Variants in OASL observed in about 807,000 individuals in gnomAD.
The protein encoded by OASL is 2'-5'-oligoadenylate synthetase like, also known as 2'-5'-oligoadenylate synthase-like protein.
A neutral mutation model predicts 35.3 loss-of-function variants in OASL; 28 were observed. That is an observed-to-expected ratio of 0.79 (90% confidence interval 0.59 to 1.09). OASL has a LOEUF of 1.09. Ranked by LOEUF, OASL falls within the 50% of genes least tolerant of loss-of-function variation. The probability of loss-of-function intolerance (pLI) is 0.00; values close to 1 mark genes in which losing one functional copy is unlikely to be tolerated. For synonymous variants in OASL, 252 were observed against 254.6 expected (o/e 0.99, Z 0.10); for missense variants, 620 against 635.2 (o/e 0.98, Z 0.26).
rs1432001027 is a variant in OASL at position 121,021,156 on chromosome 12, A to G, written c.1048-98T>C. 7 of 1,282,160 alleles carry G rather than the reference A, an allele frequency of 5.5e-6. No homozygotes were observed. The Admixed American group carries it at 1.4e-4, about 25-fold the overall frequency. 79.4% of individuals were successfully genotyped at this position (1,282,160 alleles called of 1,614,324 possible). ...CTGTCCTTATCTTTACAATAGTAGC[A>G]GCAGCAGCGGCAGCAGCAAATGTTT... On this transcript the variant is annotated intron_variant, in intron 5 of 5. Coordinates refer to ENST00000257570, the Ensembl canonical transcript of OASL.
downstream of OASL, among the ~76,000 whole-genome samples, chr12:121,018,104 T>G (rs1048203637): frequency 9.9e-5 from 15 of 152,172 alleles, no homozygotes; most frequent in African/African-American, 3.6e-4. Flanking sequence ...CAAAAAGTCC[T>G]TACTCCCAAG....
At chr12:121,036,288 C>A (rs536404123) in intron 1 of OASL, among the ~76,000 whole-genome samples, 1 of 152,318 alleles carries the variant, frequency 6.6e-6, no homozygotes, top group Admixed American at 6.5e-5. Flanking sequence ...TGAAGACGAG[C>A]ATTCCCTTAT....
chr12:121,027,961 A>T, intron 3 of OASL, 144 bp from the exon 4 acceptor site: 2 of 661,616 alleles, frequency 3.0e-6, no homozygotes, highest in South Asian at 3.8e-5. Context: ...GTCACATTCC[A>T]TCTCTAGACA....
At chr12:121,029,250 C>T (rs1430687235) in intron 3 of OASL, among the ~76,000 whole-genome samples, 1 of 151,692 alleles carries the variant, frequency 6.6e-6, no homozygotes, top group Non-Finnish European at 1.5e-5. Context: ...AAAGCTATAA[C>T]ACTTTGGCCT....
At chr12:121,018,630 A>G (rs1171544864), downstream of OASL, among the ~76,000 whole-genome samples, 1 of 152,004 alleles carries the variant, frequency 6.6e-6, no homozygotes, top group Non-Finnish European at 1.5e-5. Context: ...GCACTGTGGG[A>G]GGCCAAGACA....
chr12:121,024,876 C>G (rs1369300283), intron 4 of OASL, among the ~76,000 whole-genome samples: 2 of 151,856 alleles, frequency 1.3e-5, no homozygotes, highest in Non-Finnish European at 2.9e-5. Flanking sequence ...GCAGATTAAC[C>G]TATTTTAATC....
intron 3 of OASL, among the ~76,000 whole-genome samples, chr12:121,028,717 C>G (rs1413687935): frequency 1.5e-5 from 2 of 134,266 alleles, no homozygotes; most frequent in Admixed American, 1.8e-4. Context: ...TTGTGTTTTT[C>G]TCTTACTTGC....
At chr12:121,021,470 G>A (rs1869233361) in intron 5 of OASL, among the ~76,000 whole-genome samples, 1 of 152,240 alleles carries the variant, frequency 6.6e-6, no homozygotes, top group South Asian at 2.1e-4. Context: ...AGAGCACCTG[G>A]AAAATGCTGG....
chr12:121,023,794 A>C (rs1475855613), intron 5 of OASL, 196 bp downstream of exon 5: 1 of 530,944 alleles, frequency 1.9e-6, no homozygotes, highest in Non-Finnish European at 3.3e-6. Flanking sequence ...CAAGAATTTG[A>C]AGGTAAGAAA....
intron 2 of OASL, among the ~76,000 whole-genome samples, chr12:121,032,519 C>T (rs1013664167): frequency 2.0e-5 from 3 of 152,100 alleles, no homozygotes; most frequent in Non-Finnish European, 1.5e-5. Flanking sequence ...TGAGTAAGCA[C>T]GCCAGCGTCC....
In OASL at chr12:121,024,944, C is replaced by T. The variant is rs554713945; in HGVS notation, c.900-807G>A. 2.0e-5 allele frequency among the ~76,000 whole-genome samples: 3 copies of T among 148,830 alleles called. No individual in the cohort carries two copies. The East Asian group carries it at 5.9e-4, about 29-fold the overall frequency. On this transcript the variant is annotated intron_variant, in intron 4 of 5. Coordinates refer to ENST00000257570, the Ensembl canonical transcript of OASL. Reference sequence around the variant, plus strand: ...TTTTATTGTTTATTGTTGTGGTTGTCCCCTTTTTACAGACCTCCCTAAGTT... The same window carrying T: ...TTTTATTGTTTATTGTTGTGGTTGTTCCCTTTTTACAGACCTCCCTAAGTT...
At chr12:121,030,506 T>A (rs918808325) in intron 3 of OASL, among the ~76,000 whole-genome samples, 1 of 152,062 alleles carries the variant, frequency 6.6e-6, no homozygotes, top group Admixed American at 6.6e-5. Context: ...GCCCAGCCTA[T>A]TTTATTTTTA....
At chr12:121,033,704 T>C (rs1438058556) in exon 2 of OASL, 1 of 1,613,868 alleles carries the variant, frequency 6.2e-7, no homozygotes, top group African/African-American at 1.3e-5. Context: ...TCCACCTCTC[T>C]GGTGCTCCTG....
exon 1 of OASL, chr12:121,039,029 C>T: frequency 6.9e-7 from 1 of 1,440,832 alleles, no homozygotes; most frequent in Non-Finnish European, 9.7e-7. Context: ...TACCCAGCTC[C>T]CTGGCACACA....
At chr12:121,029,427 G>A (rs961917385) in intron 3 of OASL, among the ~76,000 whole-genome samples, 2 of 152,160 alleles carry the variant, frequency 1.3e-5, no homozygotes, top group African/African-American at 4.8e-5. Context: ...AGTGGCTCAC[G>A]CCTGTAATCC....
At chr12:121,019,369 C>T (rs1052263618) in exon 6 of OASL, 2 of 152,136 alleles carry the variant, frequency 1.3e-5, no homozygotes, top group African/African-American at 2.4e-5. Context: ...AGTAGCCCAC[C>T]AGAAAACTAG....
Position 121,033,844 on chromosome 12 carries a change from G to A in OASL, c.199-101C>T, listed in dbSNP as rs1024655486. ...CTGTCTCACTGAATGCTCACCACCC[G>A]CTGAGGGATGGGTTGTGGGTAGTAC... On this transcript the variant is annotated intron_variant, in intron 1 of 5. Transcript: ENST00000257570. 3.8e-5 allele frequency: 48 copies of A among 1,268,972 alleles called. No homozygotes were observed. In the African/African-American group the frequency reaches 4.8e-4, roughly 13 times the overall value. 78.6% of individuals were successfully genotyped at this position (1,268,972 alleles called of 1,614,324 possible).
chr12:121,027,015 A>C (rs1869514032), intron 4 of OASL, among the ~76,000 whole-genome samples: 2 of 152,090 alleles, frequency 1.3e-5, no homozygotes, highest in Non-Finnish European at 2.9e-5. Context: ...CTGGAAGTGG[A>C]ACCAACCTTC....
chr12:121,033,788 G>A, intron 1 of OASL, 45 bp from the exon 2 acceptor site: 2 of 1,591,204 alleles, frequency 1.3e-6, no homozygotes, highest in Middle Eastern at 2.2e-4. Flanking sequence ...ACTGCCATGA[G>A]CCAGGCAACC....
Sources: allele counts gnomAD v4.1 joint callset (sites outside exome capture counted in the v4.1 genomes callset), GRCh38; gene constraint gnomAD v4.1.1; transcripts MANE v1.5; gene names NCBI Gene and HGNC (gene_info 2026-07-23, HGNC 2026-07-21).